HS3ST1: variants seen among roughly 807,000 people sequenced by gnomAD.
HS3ST1 encodes heparan sulfate glucosamine 3-O-sulfotransferase 1.
HS3ST1 carries 8 observed loss-of-function variants against 20.7 expected under a neutral mutation model. The ratio of observed to expected loss-of-function variants is 0.39; its 90% CI spans 0.23 to 0.70. The LOEUF (loss-of-function observed/expected upper bound fraction) is 0.70, where lower values mean the gene tolerates loss of function less well. Among genes scored for constraint, HS3ST1 ranks in the 30% least tolerant of loss-of-function variants. The pLI, the probability that HS3ST1 is intolerant of heterozygous loss-of-function variation, is 0.46. For synonymous variants in HS3ST1, 205 were observed against 190.4 expected (o/e 1.08, Z -0.63); for missense variants, 436 against 423.4 (o/e 1.03, Z -0.26).
intron 1 of HS3ST1, among the ~76,000 whole-genome samples, chr4:11,419,092 A>G (rs376942787): frequency 6.6e-6 from 1 of 151,678 alleles, no homozygotes; most frequent in South Asian, 2.1e-4. Context: ...ATGCTCTTCA[A>G]ATCCTTTTTT....
upstream of HS3ST1, among the ~76,000 whole-genome samples, chr4:11,431,898 A>G (rs1719213373): frequency 6.6e-6 from 1 of 152,166 alleles, no homozygotes; most frequent in African/African-American, 2.4e-5. Flanking sequence ...ACATACTAAT[A>G]AGTGGTAGGG....
At chr4:11,429,331 C>T (rs1719153151), upstream of HS3ST1, 1 of 152,542 alleles carries the variant, frequency 6.6e-6, no homozygotes, top group South Asian at 2.1e-4. Flanking sequence ...TCTACCTCTT[C>T]TCTAAGTCGC....
In HS3ST1 at chr4:11,399,247, G is replaced by T; in HGVS notation, c.759C>A (p.Gly253=). 1.2e-6 allele frequency: 2 copies of T among 1,614,196 alleles called. No homozygotes were observed. Among genetic ancestry groups the T allele is most frequent in the East Asian group, 4.5e-5 (2 of 44,880 alleles). The change falls in exon 2 of 2, where the codon GGC becomes GGA. Residue 253 remains glycine (G), a synonymous_variant. Coordinates refer to ENST00000002596, the MANE Select transcript of HS3ST1 (RefSeq NM_005114.4). This position sits in a 1 kb window ranked among gnomAD's most constrained non-coding sequence, Gnocchi z 5.1. The part of the protein sequence containing the change: ...ASNFYFNKTK[G]FYCLRDSGRD... ...GGCCGCTGTCCCGCAGGCAGTAAAA[G>T]CCCTTGGTTTTGTTAAAGTAGAAGT...
chr4:11,409,588 C>T (rs1367123617), intron 1 of HS3ST1, among the ~76,000 whole-genome samples: 1 of 152,210 alleles, frequency 6.6e-6, no homozygotes. Context: ...CATGAAGAAC[C>T]ACTTCTGCTG....
Position 11,424,197 on chromosome 4 carries a change from A to ATTGCTGCTGAAGG in HS3ST1, c.-109+4501_-109+4502insCCTTCAGCAGCAA, listed in dbSNP as rs2108891144. Among the ~76,000 whole-genome samples the ATTGCTGCTGAAGG allele has an allele frequency of 2.0e-5, 3 of 152,144 alleles. No individual in the cohort carries two copies. The East Asian group carries it at 5.8e-4, about 29-fold the overall frequency. On this transcript the variant is annotated intron_variant, in intron 1 of 1. Coordinates refer to ENST00000002596, the MANE Select transcript of HS3ST1 (RefSeq NM_005114.4). ...GCTGTTACTTGCCTGGCTGCTGAAG[A>ATTGCTGCTGAAGG]CATTAGAGTTTGCGACCCCTGCTGG...
chr4:11,402,033 A>G (rs1718340126), intron 1 of HS3ST1, among the ~76,000 whole-genome samples: 1 of 152,222 alleles, frequency 6.6e-6, no homozygotes, highest in Non-Finnish European at 1.5e-5. Context: ...GGGATTTACA[A>G]AGCTAGTAAA....
chr4:11,409,886 G>T (rs1489439181), intron 1 of HS3ST1, among the ~76,000 whole-genome samples: 1 of 152,196 alleles, frequency 6.6e-6, no homozygotes, highest in Non-Finnish European at 1.5e-5. Context: ...GGCTAAAGAA[G>T]CAGGTGCTGC....
intron 1 of HS3ST1, among the ~76,000 whole-genome samples, chr4:11,400,921 C>T (rs1201561447): frequency 1.3e-5 from 2 of 152,204 alleles, no homozygotes; most frequent in Non-Finnish European, 2.9e-5. Flanking sequence ...CCTGGCTAGC[C>T]CATGGTCCCA....
upstream of HS3ST1, among the ~76,000 whole-genome samples, chr4:11,430,981 C>G (rs184251428): frequency 3.3e-5 from 5 of 152,314 alleles, no homozygotes; most frequent in Admixed American, 6.5e-5. Flanking sequence ...TGCCACTGCT[C>G]CTAAATAGCT....
chr4:11,407,225 G>GT (rs1489363511), intron 1 of HS3ST1, among the ~76,000 whole-genome samples: 3 of 152,296 alleles, frequency 2.0e-5, no homozygotes, highest in South Asian at 2.1e-4. Flanking sequence ...AGAAAGGACC[G>GT]TAAGTCAGGC....
At chr4:11,400,634 C>T (rs1262660643) in intron 1 of HS3ST1, among the ~76,000 whole-genome samples, 1 of 152,188 alleles carries the variant, frequency 6.6e-6, no homozygotes, top group African/African-American at 2.4e-5. Flanking sequence ...TACTACTCAC[C>T]AGTCCCTGGC....
In HS3ST1 at chr4:11,406,803, A is replaced by T. The variant is rs116734864; in HGVS notation, c.-108-6690T>A. ...GAATCCCATGGTGTTGAGTGATTTAATTTTCTGGAACGTACTGAAACATGA... is the reference window on the plus strand; with the variant it reads ...GAATCCCATGGTGTTGAGTGATTTATTTTTCTGGAACGTACTGAAACATGA... On this transcript the variant is annotated intron_variant, in intron 1 of 1. Coordinates refer to ENST00000002596, the MANE Select transcript of HS3ST1 (RefSeq NM_005114.4). Among the ~76,000 whole-genome samples the T allele has an allele frequency of 6.1e-3, 927 of 152,036 alleles. 7 individuals carry two copies. Among genetic ancestry groups the T allele is most frequent in the African/African-American group, 0.021 (886 of 41,440 alleles).
rs74380484 is a variant in HS3ST1, at chr4:11,413,857, C to A, written c.-108-13744G>T. On this transcript the variant is annotated intron_variant, in intron 1 of 1. Transcript: ENST00000002596. ...GATAAGAAGAAGGATAGCAGAGCTA[C>A]AATTAGAAATAGATTGCTTTGTGTT... 3.3e-5 allele frequency among the ~76,000 whole-genome samples: 5 copies of A among 151,636 alleles called. No homozygotes were observed. In the East Asian group the frequency reaches 9.7e-4, roughly 29 times the overall value.
rs1410165135 is a variant in HS3ST1 at position 11,398,761 on chromosome 4, G to A, written c.*321C>T. On this transcript the variant is annotated 3_prime_UTR_variant, in exon 2 of 2. Transcript: ENST00000002596. ...CACAGACAGCTATTTTGAGTTGGGG[G>A]CAAGTTAATTATATTCAAAAAAACA... The A allele has an allele frequency of 5.2e-6, 1 of 192,194 alleles. No individual in the cohort carries two copies. The highest frequency in any genetic ancestry group is 6.1e-5 in the Admixed American group (1 of 16,524). 11.9% of individuals were successfully genotyped at this position (192,194 alleles called of 1,614,324 possible).
Position 11,415,675 on chromosome 4 carries a change from A to G in HS3ST1, c.-109+13024T>C, listed in dbSNP as rs1274178759. Among the ~76,000 whole-genome samples the G allele has an allele frequency of 3.9e-5, 6 of 152,356 alleles. No individual in the cohort carries two copies. The East Asian group carries it at 1.2e-3, about 29-fold the overall frequency. ...TGATAGCTGTGCAGAGACAGATGAC[A>G]AAGAAAAAGCAGAATAAAAAGCCTA... On this transcript the variant is annotated intron_variant, in intron 1 of 1. Transcript: ENST00000002596.
chr4:11,409,727 G>A (rs867896572), intron 1 of HS3ST1, among the ~76,000 whole-genome samples: 7 of 152,202 alleles, frequency 4.6e-5, no homozygotes, highest in African/African-American at 1.7e-4. Context: ...AGAATAATTA[G>A]TAAAGCAAAA....
At chr4:11,423,823 G>A (rs1718994362) in intron 1 of HS3ST1, among the ~76,000 whole-genome samples, 1 of 152,088 alleles carries the variant, frequency 6.6e-6, no homozygotes, top group South Asian at 2.1e-4. Flanking sequence ...TCGATATTCT[G>A]AACAACATGC....
At position 11,399,283 on chromosome 4, in the gene HS3ST1, G is replaced by C; in HGVS notation, c.723C>G (p.Ile241Met). ...TGTTAAAGTAGAAGTTCGAAGCATT[G>C]ATCTGCGGCGACAGCTTTAGGAACC... ...VERFLKLSPQ[I>M]NASNFYFNKT... Residue 241 changes from isoleucine to methionine, a missense_variant, in exon 2 of 2, where the codon ATC (isoleucine) becomes ATG (methionine). By Grantham distance (10) the Ile-to-Met change is conservative. Transcript: ENST00000002596. The surrounding 1 kb of genome is among the most constrained non-coding windows in gnomAD (Gnocchi z 5.1). 1 of 1,614,154 alleles carries C rather than the reference G, an allele frequency of 6.2e-7. No individual in the cohort carries two copies. The highest frequency in any genetic ancestry group is 1.7e-5 in the Admixed American group (1 of 60,020).
chr4:11,410,593 T>C (rs1180054321), intron 1 of HS3ST1, among the ~76,000 whole-genome samples: 1 of 152,074 alleles, frequency 6.6e-6, no homozygotes, highest in East Asian at 1.9e-4. Flanking sequence ...TCTAGAAATT[T>C]AGAAAGAGGG....
Sources: allele counts gnomAD v4.1 joint callset (sites outside exome capture counted in the v4.1 genomes callset), GRCh38; gene constraint gnomAD v4.1.1; non-coding constraint Gnocchi (gnomAD v3.1); transcripts MANE v1.5; gene names NCBI Gene and HGNC (gene_info 2026-07-23, HGNC 2026-07-21).